Variants in ATG7 observed in about 807,000 individuals in gnomAD.
ATG7 encodes autophagy related 7, also known as ubiquitin-like modifier-activating enzyme ATG7.
In ATG7, 70 loss-of-function variants were observed where a neutral mutation model predicts 82.4. The ratio of observed to expected loss-of-function variants is 0.85; its 90% CI spans 0.70 to 1.04. ATG7 has a LOEUF of 1.04. Among genes scored for constraint, ATG7 ranks in the 50% least tolerant of loss-of-function variants. The pLI is 0.00. For synonymous variants in ATG7, 287 were observed against 313.0 expected, an observed-to-expected ratio of 0.92 and a Z score of 0.88; for missense variants, 792 against 864.3, an observed-to-expected ratio of 0.92 and a Z score of 1.05.
Position 11,554,806 on chromosome 3 carries a change from T to C in ATG7, c.2080-5T>C. The C allele has an allele frequency of 6.2e-7, 1 of 1,613,306 alleles. No individual in the cohort carries two copies. Among genetic ancestry groups the C allele is most frequent in the East Asian group, 2.2e-5 (1 of 44,832 alleles). On this transcript the variant is annotated splice_polypyrimidine_tract_variant and splice_region_variant and intron_variant, in intron 20 of 20. Coordinates refer to ENST00000693202, the MANE Select transcript of ATG7 (RefSeq NM_001349232.2). ...TCGGCTGAGCCTCTCCCCTTCTCCA[T>C]GCAGATCTGGGACATGAGCGATGAT...
At chr3:11,543,628 G>A (rs1443508574) in intron 20 of ATG7, among the ~76,000 whole-genome samples, 1 of 152,186 alleles carries the variant, frequency 6.6e-6, no homozygotes, top group Non-Finnish European at 1.5e-5. Flanking sequence ...GGCTGGCCGC[G>A]GTGGCTCATG....
At chr3:11,473,418 C>T (rs1290341029) in intron 20 of ATG7, among the ~76,000 whole-genome samples, 1 of 152,146 alleles carries the variant, frequency 6.6e-6, no homozygotes, top group Non-Finnish European at 1.5e-5. Flanking sequence ...ATATCATTAT[C>T]CCCACTTAAA....
At chr3:11,401,392 A>T (rs533352701) in intron 19 of ATG7, among the ~76,000 whole-genome samples, 76 of 152,324 alleles carry the variant, frequency 5.0e-4, no homozygotes, top group Middle Eastern at 3.4e-3. Context: ...ATGTCAGTCA[A>T]GTATGTGTTG....
intron 19 of ATG7, among the ~76,000 whole-genome samples, chr3:11,422,044 G>A (rs1333460414): frequency 6.6e-6 from 1 of 152,180 alleles, no homozygotes; most frequent in Admixed American, 6.5e-5. Flanking sequence ...TGTTGTTTCG[G>A]TTATAGAGCA....
chr3:11,494,391 G>A (rs2090646122), intron 20 of ATG7, among the ~76,000 whole-genome samples: 1 of 152,160 alleles, frequency 6.6e-6, no homozygotes, highest in Non-Finnish European at 1.5e-5. Flanking sequence ...CTGATGGTTG[G>A]TTTTCTGAGA....
intron 15 of ATG7, among the ~76,000 whole-genome samples, chr3:11,359,005 A>G (rs2076114322): frequency 6.6e-6 from 1 of 152,194 alleles, no homozygotes; most frequent in Non-Finnish European, 1.5e-5. Context: ...GCAGCCATTC[A>G]CAGTTATGTT....
At chr3:11,394,544 G>A (rs2079061185) in intron 19 of ATG7, among the ~76,000 whole-genome samples, 1 of 152,202 alleles carries the variant, frequency 6.6e-6, no homozygotes, top group South Asian at 2.1e-4. Flanking sequence ...CACACCTTTA[G>A]TGTCCTTTCA....
chr3:11,392,621 C>T (rs898643228), intron 19 of ATG7, among the ~76,000 whole-genome samples: 16 of 152,088 alleles, frequency 1.1e-4, no homozygotes, highest in African/African-American at 3.6e-4. Context: ...GTGGTTTTCC[C>T]ACTGAAGAGA....
At chr3:11,411,466 C>T (rs923781497) in intron 19 of ATG7, among the ~76,000 whole-genome samples, 9 of 151,566 alleles carry the variant, frequency 5.9e-5, no homozygotes, top group Admixed American at 3.3e-4. Context: ...TCTAAAAATA[C>T]AAAAATTAGC....
At chr3:11,355,174 G>A (rs1016821070) in intron 14 of ATG7, among the ~76,000 whole-genome samples, 3 of 152,220 alleles carry the variant, frequency 2.0e-5, no homozygotes, top group African/African-American at 7.2e-5. Flanking sequence ...AGAGAGCTAT[G>A]AGCAGAATGG....
intron 3 of ATG7, chr3:11,290,326 T>TC (rs1193434531): frequency 6.4e-6 from 1 of 156,676 alleles, no homozygotes; most frequent in African/African-American, 2.4e-5. Flanking sequence ...GCCGCCTGGG[T>TC]CCCCCACATC....
chr3:11,555,889 C>G lies in ATG7; in HGVS notation c.*1046C>G, dbSNP rs1431496200. Reference sequence around the variant, plus strand: ...GAAAATTGAGTCGAGCTGACCCTTACAACAGTAGGATTTAGTAGGGTAGAT... The same window carrying G: ...GAAAATTGAGTCGAGCTGACCCTTAGAACAGTAGGATTTAGTAGGGTAGAT... On this transcript the variant is annotated 3_prime_UTR_variant, in exon 21 of 21. Coordinates refer to ENST00000693202, the MANE Select transcript of ATG7 (RefSeq NM_001349232.2). The G allele has an allele frequency of 6.6e-6, 1 of 152,364 alleles. No homozygotes were observed. The highest frequency in any genetic ancestry group is 6.5e-5 in the Admixed American group (1 of 15,284). The allele number at this position is 152,364 out of a possible 1,614,324, so 9.4% of individuals were successfully genotyped here.
At chr3:11,288,438 C>G in intron 3 of ATG7, among the ~76,000 whole-genome samples, 1 of 152,172 alleles carries the variant, frequency 6.6e-6, no homozygotes, top group East Asian at 1.9e-4. Flanking sequence ...TCAAGGATCT[C>G]CCAGCTATGA....
At chr3:11,320,137 C>T (rs879874125) in intron 9 of ATG7, among the ~76,000 whole-genome samples, 6 of 152,226 alleles carry the variant, frequency 3.9e-5, no homozygotes, top group South Asian at 2.1e-4. Context: ...CTGGAACTCT[C>T]TTCTCTCTCT....
At chr3:11,564,860 G>A in the ATG7 span, 5 of 1,608,678 alleles carry the variant, frequency 3.1e-6, no homozygotes, top group East Asian at 8.9e-5. Context: ...CGTCCAGGCT[G>A]TTCTTGGTCA....
chr3:11,469,377 A>T (rs1387572555), intron 20 of ATG7, among the ~76,000 whole-genome samples: 2 of 151,742 alleles, frequency 1.3e-5, no homozygotes, highest in Non-Finnish European at 2.9e-5. Context: ...TGAACCCGGG[A>T]GGTGGAGGTT....
chr3:11,281,495 G>A (rs1008644160), intron 2 of ATG7, among the ~76,000 whole-genome samples: 4 of 152,140 alleles, frequency 2.6e-5, no homozygotes, highest in South Asian at 4.1e-4. Flanking sequence ...AAATCAGGCC[G>A]GGTGTGGTGG....
At chr3:11,524,910 TCAG>T (rs2092535801) in intron 20 of ATG7, among the ~76,000 whole-genome samples, 1 of 152,194 alleles carries the variant, frequency 6.6e-6, no homozygotes, top group Non-Finnish European at 1.5e-5. Context: ...TGACCCTAAA[TCAG>T]CAGCAGATGT....
chr3:11,545,436 C>T (rs955646051), intron 20 of ATG7, among the ~76,000 whole-genome samples: 33 of 152,336 alleles, frequency 2.2e-4, no homozygotes, highest in Middle Eastern at 6.8e-3. Flanking sequence ...GACCCTGGAG[C>T]GAGCCCTGCC....
Sources: gnomAD v4.1 joint callset for allele counts (sites outside exome capture counted in the v4.1 genomes callset) on GRCh38, gnomAD v4.1.1 for gene constraint, MANE v1.5 for transcripts, NCBI Gene and HGNC (gene_info 2026-07-23, HGNC 2026-07-21) for gene names.